Variants in ANKRD12 observed in about 807,000 individuals in gnomAD.
ANKRD12 encodes the protein ankyrin repeat domain-containing protein 12.
Under a neutral mutation model 183.4 loss-of-function variants are expected in ANKRD12, and 85 were observed. The observed-to-expected ratio is 0.46, with a 90% confidence interval of 0.39 to 0.56. The LOEUF (loss-of-function observed/expected upper bound fraction) is 0.56. Among genes scored for constraint, ANKRD12 ranks in the 20% least tolerant of loss-of-function variants. The pLI, the probability that ANKRD12 is intolerant of heterozygous loss-of-function variation, is 0.00. For synonymous variants in ANKRD12, 914 were observed against 800.2 expected, an observed-to-expected ratio of 1.14 and a Z score of -2.40; for missense variants, 2,405 against 2,357.1, an observed-to-expected ratio of 1.02 and a Z score of -0.42.
chr18:9,204,403 A>C, intron 3 of ANKRD12, 73 bp from the exon 4 acceptor site: 1 of 1,084,898 alleles, frequency 9.2e-7, no homozygotes, highest in Non-Finnish European at 1.4e-6. Context: ...CTTTTGAAAA[A>C]TGTTGGTTTG....
intron 1 of ANKRD12, among the ~76,000 whole-genome samples, chr18:9,154,290 C>T: frequency 6.6e-6 from 1 of 152,092 alleles, no homozygotes; most frequent in Admixed American, 6.5e-5. Flanking sequence ...GATGTGGTAA[C>T]ATGTGCCTGC....
chr18:9,159,319 C>T (rs2031062478), intron 1 of ANKRD12, among the ~76,000 whole-genome samples: 1 of 152,160 alleles, frequency 6.6e-6, no homozygotes, highest in Non-Finnish European at 1.5e-5. Context: ...ATTCATATTT[C>T]CAGCTGTAAT....
intron 3 of ANKRD12, among the ~76,000 whole-genome samples, chr18:9,203,302 A>G (rs975763914): frequency 6.6e-6 from 1 of 152,184 alleles, no homozygotes; most frequent in Non-Finnish European, 1.5e-5. Flanking sequence ...AAAATTTTCA[A>G]ATACGATGCT....
At chr18:9,187,166 C>G (rs1344836639) in intron 2 of ANKRD12, among the ~76,000 whole-genome samples, 1 of 152,006 alleles carries the variant, frequency 6.6e-6, no homozygotes, top group Non-Finnish European at 1.5e-5. Context: ...GTGGCTCATG[C>G]CTATAATGTG....
Position 9,254,828 on chromosome 18 carries a change from T to G in ANKRD12, c.1561T>G (p.Phe521Val). 6.7e-7 allele frequency: 1 copy of G among 1,485,388 alleles called. No individual in the cohort carries two copies. The allele number at this position is 1,485,388 out of a possible 1,614,324, so 92.0% of individuals were successfully genotyped here. ...AGAAAAGACCAGAGAGGAGGGGAAC[T>G]TTAGGAAATCTTTTAGCCCAAAAGA... Reference protein sequence around the residue: ...CSEKTREEGNFRKSFSPKDDT... With the variant: ...CSEKTREEGNVRKSFSPKDDT... The change falls in exon 9 of 13, where the codon TTT becomes GTT. Residue 521 changes from phenylalanine to valine, a missense_variant. Physicochemically the swap from Phe to Val is conservative, Grantham distance 50. Around this residue, in one of 7 missense-constraint regions of ANKRD12, gnomAD observed 1,983 missense variants for 1,725.9 expected, o/e 1.15. Transcript: ENST00000262126.
chr18:9,214,355 C>T (rs1322485808), intron 6 of ANKRD12, among the ~76,000 whole-genome samples: 1 of 150,960 alleles, frequency 6.6e-6, no homozygotes, highest in Non-Finnish European at 1.5e-5. Context: ...TAAATCATAG[C>T]TGCATAAAAT....
chr18:9,263,379 C>G (rs1243068078), intron 9 of ANKRD12, among the ~76,000 whole-genome samples: 1 of 135,892 alleles, frequency 7.4e-6, no homozygotes, highest in Non-Finnish European at 1.6e-5. Flanking sequence ...TGATATTTAT[C>G]ATGTCTGCAG....
At chr18:9,199,075 T>C (rs1001194961) in intron 3 of ANKRD12, among the ~76,000 whole-genome samples, 3 of 152,082 alleles carry the variant, frequency 2.0e-5, no homozygotes, top group African/African-American at 7.2e-5. Flanking sequence ...GGAGGATCAC[T>C]TGAGGCCAGG....
intron 1 of ANKRD12, among the ~76,000 whole-genome samples, chr18:9,138,708 G>A (rs937803390): frequency 6.6e-6 from 1 of 152,136 alleles, no homozygotes; most frequent in African/African-American, 2.4e-5. Context: ...AGTGTCCACC[G>A]TGTAAGATGA....
chr18:9,185,847 C>A (rs1470441393), intron 2 of ANKRD12, among the ~76,000 whole-genome samples: 2 of 152,064 alleles, frequency 1.3e-5, no homozygotes, highest in Admixed American at 1.3e-4. Flanking sequence ...AAAGATGAGG[C>A]CATTGAAACA....
Position 9,255,214 on chromosome 18 carries a change from A to G in ANKRD12, c.1947A>G (p.Thr649=), listed in dbSNP as rs139941413. The change falls in exon 9 of 13, where the codon ACA becomes ACG. Residue 649 remains threonine (T), a synonymous_variant. Transcript: ENST00000262126. ...TLKKMDKEGK[T]LKKHKLKHKE... ...AAAAAATGGATAAAGAAGGTAAAAC[A>G]TTAAAAAAACATAAATTGAAGCATA... is the stretch of plus-strand genomic sequence containing the variant. 98 of 1,576,904 alleles carry G rather than the reference A, an allele frequency of 6.2e-5. No individual in the cohort carries two copies. The African/African-American group carries it at 9.4e-4, about 15-fold the overall frequency.
rs530747129 is a variant in ANKRD12 at position 9,255,012 on chromosome 18, G to A, written c.1745G>A (p.Arg582Gln). 18 of 1,605,926 alleles carry A rather than the reference G, an allele frequency of 1.1e-5. No homozygotes were observed. Among genetic ancestry groups the A allele is most frequent in the Non-Finnish European group, 1.4e-5 (17 of 1,176,930 alleles). The change falls in exon 9 of 13, where the codon CGG becomes CAG. Residue 582 changes from arginine to glutamine, a missense_variant. Transcript: ENST00000262126. ...ATGTCATTACAGCCTGATCTTGTTC[G>A]GTATGATAATACAGAATCTGAATTC... ...SEMSLQPDLV[R>Q]YDNTESEFLP...
Position 9,258,338 on chromosome 18 carries a change from A to G in ANKRD12, c.5071A>G (p.Ile1691Val), listed in dbSNP as rs777301454. The G allele has an allele frequency of 1.2e-5, 20 of 1,613,704 alleles. No individual in the cohort carries two copies. Among genetic ancestry groups the G allele is most frequent in the African/African-American group, 4.0e-5 (3 of 74,938 alleles). ...AGAAGATGAGGAATCTCAACAAAGCATTTTATCAAGTCTGGAAAACCATTC... is the reference window on the plus strand; with the variant it reads ...AGAAGATGAGGAATCTCAACAAAGCGTTTTATCAAGTCTGGAAAACCATTC... ...SIEDEESQQS[I>V]LSSLENHSQQ... Residue 1691 changes from isoleucine (I) to valine (V), a missense_variant, in exon 9 of 13, where the codon ATT (isoleucine) becomes GTT (valine). By Grantham distance (29) the Ile-to-Val change is conservative. Around this residue, in one of 7 missense-constraint regions of ANKRD12, gnomAD observed 1,983 missense variants for 1,725.9 expected, o/e 1.15. Coordinates refer to ENST00000262126, the MANE Select transcript of ANKRD12 (RefSeq NM_015208.5).
At position 9,281,060 on chromosome 18, in the gene ANKRD12, C is replaced by T. The variant is rs773095235; in HGVS notation, c.6123C>T (p.Tyr2041=). The T allele has an allele frequency of 6.8e-6, 11 of 1,613,960 alleles. No homozygotes were observed. The East Asian group carries it at 8.9e-5, about 13-fold the overall frequency. The change falls in exon 13 of 13, where the codon TAC becomes TAT. Residue 2041 remains tyrosine (Y), a synonymous_variant. Coordinates refer to ENST00000262126, the MANE Select transcript of ANKRD12 (RefSeq NM_015208.5). The part of the protein sequence containing the change: ...DPATYKSISI[Y]EIQEFYVPLV... ...CCACCTATAAATCTATCAGCATTTA[C>T]GAAATCCAGGAGTTTTATGTTCCCC...
At chr18:9,155,445 T>C (rs897848181) in intron 1 of ANKRD12, among the ~76,000 whole-genome samples, 4 of 152,238 alleles carry the variant, frequency 2.6e-5, no homozygotes, top group African/African-American at 9.6e-5. Flanking sequence ...TTATATTATC[T>C]TTACATATTT....
rs1473555306 is a variant in ANKRD12, at chr18:9,256,423, T to C, written c.3156T>C (p.Pro1052=). The C allele has an allele frequency of 6.2e-7, 1 of 1,613,084 alleles. No individual in the cohort carries two copies. The highest frequency in any genetic ancestry group is 8.5e-7 in the Non-Finnish European group (1 of 1,179,700). The stretch of plus-strand genomic sequence containing the variant: ...AACTAAAATCTGAAGCAGATAAGCC[T>C]AAACCTAAGTCATCACCAGCATCAA... The part of the protein sequence containing the change: ...LLKLKSEADK[P]KPKSSPASKD... Residue 1052 remains proline, a synonymous_variant, in exon 9 of 13, where the codon CCT becomes CCC. Transcript: ENST00000262126.
intron 12 of ANKRD12, among the ~76,000 whole-genome samples, chr18:9,280,342 C>T (rs1428558760): frequency 6.6e-6 from 1 of 152,194 alleles, no homozygotes; most frequent in African/African-American, 2.4e-5. Context: ...TGCTTGCCGC[C>T]ACTCACCTCC....
intron 8 of ANKRD12, among the ~76,000 whole-genome samples, chr18:9,246,306 C>T (rs1415819401): frequency 6.6e-6 from 1 of 152,188 alleles, no homozygotes; most frequent in African/African-American, 2.4e-5. Flanking sequence ...ACACAAATAA[C>T]TGTCAATTAT....
chr18:9,265,432 C>A (rs553850065), intron 10 of ANKRD12, among the ~76,000 whole-genome samples: 1 of 148,330 alleles, frequency 6.7e-6, no homozygotes, highest in Non-Finnish European at 1.5e-5. Context: ...ACAAAACTTC[C>A]AGAGGAATGA....
Sources: gnomAD v4.1 joint callset for allele counts (sites outside exome capture counted in the v4.1 genomes callset) on GRCh38, gnomAD v4.1.1 for gene constraint, gnomAD v4.1.1 regional missense constraint, MANE v1.5 for transcripts, NCBI Gene and HGNC (gene_info 2026-07-23, HGNC 2026-07-21) for gene names.